Variants in OAS3 observed in about 807,000 individuals in gnomAD.
OAS3 encodes the protein 2'-5'-oligoadenylate synthase 3.
Under a neutral mutation model 113.0 loss-of-function variants are expected in OAS3, and 107 were observed. The observed-to-expected ratio is 0.95, with a 90% confidence interval of 0.81 to 1.11. The LOEUF is 1.11. Ranked by LOEUF, OAS3 falls within the 50% of genes most tolerant of loss-of-function variation. The pLI is 0.00. For missense variants in OAS3, 1,258 were observed against 1,389.1 expected (o/e 0.91, Z 1.50); for synonymous variants, 552 against 573.6 (o/e 0.96, Z 0.54).
Position 112,948,851 on chromosome 12 carries a change from G to T in OAS3, c.1030-10G>T. 1 of 1,544,950 alleles carries T rather than the reference G, an allele frequency of 6.5e-7. No individual in the cohort carries two copies. Among genetic ancestry groups the T allele is most frequent in the South Asian group, 1.2e-5 (1 of 83,888 alleles). ...GCCTGGCTGAGGCAGCTCCTTCAAT[G>T]ACCTTCCAGGGCCTTCCACGTGCTG... On this transcript the variant is annotated splice_polypyrimidine_tract_variant and intron_variant, in intron 5 of 15. Coordinates refer to ENST00000228928, the MANE Select transcript of OAS3 (RefSeq NM_006187.4).
intron 8 of OAS3, among the ~76,000 whole-genome samples, chr12:112,961,801 C>CTT (rs760022099): frequency 4.1e-5 from 6 of 146,374 alleles, no homozygotes; most frequent in Admixed American, 6.9e-5. Context: ...CTTTCATAGC[C>CTT]TTTTTTTTTT....
intron 1 of OAS3, among the ~76,000 whole-genome samples, chr12:112,939,867 A>G (rs151324488): frequency 6.6e-6 from 1 of 152,272 alleles, no homozygotes; most frequent in African/African-American, 2.4e-5. Flanking sequence ...CAGAGTAGAA[A>G]TGGCCTCAGA....
Position 112,968,110 on chromosome 12 carries a change from A to C in OAS3, c.3040A>C (p.Ile1014Leu), listed in dbSNP as rs375666217. 9.3e-6 allele frequency: 15 copies of C among 1,613,994 alleles called. No homozygotes were observed. The highest frequency in any genetic ancestry group is 1.3e-5 in the African/African-American group (1 of 75,038). ...CCGCCAGCTCTGTATCTACTGGACC[A>C]TCAACTACAACGCCAAGGACAAGAC... ...QYRQLCIYWT[I>L]NYNAKDKTVG... The change falls in exon 14 of 16, where the codon ATC becomes CTC. Residue 1014 changes from isoleucine to leucine, a missense_variant. Coordinates refer to ENST00000228928, the MANE Select transcript of OAS3 (RefSeq NM_006187.4).
chr12:112,944,618 C>A lies in OAS3; in HGVS notation c.603C>A (p.Asn201Lys), dbSNP rs772595748. The stretch of plus-strand genomic sequence containing the variant: ...ACATTCGCCCAGCCAAGTTGAAGAA[C>A]CTAATCTTGCTGGTGAAGCACTGGT... Reference protein sequence around the residue: ...FVNIRPAKLKNLILLVKHWYH... With the variant: ...FVNIRPAKLKKLILLVKHWYH... The change falls in exon 3 of 16, where the codon AAC (asparagine) becomes AAA (lysine). Residue 201 changes from asparagine to lysine, a missense_variant. Transcript: ENST00000228928. 63 of 1,613,930 alleles carry A rather than the reference C, an allele frequency of 3.9e-5. No homozygotes were observed. Among genetic ancestry groups the A allele is most frequent in the Non-Finnish European group, 5.0e-5 (59 of 1,179,908 alleles).
At chr12:112,964,141 G>T (rs2043912900) in intron 10 of OAS3, 94 bp from the exon 11 acceptor site, 1 of 1,261,682 alleles carries the variant, frequency 7.9e-7, no homozygotes, top group Non-Finnish European at 1.1e-6. Context: ...GGGAGACAGT[G>T]GGAGTCTTGT....
rs2043900512 is a variant in OAS3, at chr12:112,962,869, G to A, written c.2051G>A (p.Arg684Lys). The stretch of plus-strand genomic sequence containing the variant: ...TATAGCACTGAGGACCCAGCCATGA[G>A]AATGCACCTTCTTGGCCAGCTTCGA... Reference protein sequence around the residue: ...VNYSTEDPAMRMHLLGQLRKP... With the variant: ...VNYSTEDPAMKMHLLGQLRKP... Residue 684 changes from arginine (R) to lysine (K), a missense_variant, in exon 9 of 16, where the codon AGA becomes AAA. Physicochemically the swap from Arg to Lys is conservative, Grantham distance 26. Transcript: ENST00000228928. 1.2e-6 allele frequency: 2 copies of A among 1,613,964 alleles called. No individual in the cohort carries two copies. The highest frequency in any genetic ancestry group is 1.7e-6 in the Non-Finnish European group (2 of 1,179,878).
In OAS3 at chr12:112,964,133, G is replaced by GA. The variant is rs2136359345; in HGVS notation, c.2230-101dup. ...AGCTGAGAAGGAAAGAGGGACATGG[G>GA]AGACAGTGGGAGTCTTGTCCTCAGA... On this transcript the variant is annotated intron_variant, in intron 10 of 15. Transcript: ENST00000228928. 6 of 1,187,776 alleles carry GA rather than the reference G, an allele frequency of 5.1e-6. No individual in the cohort carries two copies. In the South Asian group the frequency reaches 7.8e-5, roughly 15 times the overall value. 73.6% of individuals were successfully genotyped at this position (1,187,776 alleles called of 1,614,324 possible).
chr12:112,938,934 G>A (rs2043654852), intron 1 of OAS3, among the ~76,000 whole-genome samples: 1 of 152,204 alleles, frequency 6.6e-6, no homozygotes, highest in African/African-American at 2.4e-5. Flanking sequence ...GGCACAGAGA[G>A]GTACAGTGAC....
At chr12:112,964,100 T>C (rs1227345143) in intron 10 of OAS3, 135 bp from the exon 11 acceptor site, 2 of 903,966 alleles carry the variant, frequency 2.2e-6, no homozygotes, top group Non-Finnish European at 3.3e-6. Flanking sequence ...CCTCAGAACC[T>C]ACCCACCAGC....
At chr12:112,969,374 C>T (rs921348578) in intron 14 of OAS3, 15 of 570,280 alleles carry the variant, frequency 2.6e-5, no homozygotes, top group South Asian at 8.0e-5. Context: ...AAGGGGTAAG[C>T]GGTAGCACCG....
intron 7 of OAS3, 93 bp from the exon 8 acceptor site, chr12:112,960,978 A>C: frequency 2.6e-6 from 3 of 1,162,444 alleles, no homozygotes; most frequent in Non-Finnish European, 3.8e-6. Flanking sequence ...GATTAATGTT[A>C]GAATATTCAT....
rs1281266328 is a variant in OAS3, at chr12:112,973,216, A to G, written c.*3243A>G. ...CACCAATCTGCTGTGTATTTCATCTATTGCCAACATTTCATATAAATGGCA... is the reference window on the plus strand; with the variant it reads ...CACCAATCTGCTGTGTATTTCATCTGTTGCCAACATTTCATATAAATGGCA... On this transcript the variant is annotated 3_prime_UTR_variant, in exon 16 of 16. Coordinates refer to ENST00000228928, the MANE Select transcript of OAS3 (RefSeq NM_006187.4). 6.6e-6 allele frequency: 1 copy of G among 152,162 alleles called. No individual in the cohort carries two copies. Among genetic ancestry groups the G allele is most frequent in the Non-Finnish European group, 1.5e-5 (1 of 68,036 alleles). 9.4% of individuals were successfully genotyped at this position (152,162 alleles called of 1,614,324 possible). A position where few individuals can be genotyped will look rare whatever the true frequency, so the allele number is the denominator to read the frequency against.
In OAS3 at chr12:112,968,170, C is replaced by T. The variant is rs1255070918; in HGVS notation, c.3100C>T (p.Pro1034Ser). ...GDFLKQQLQK[P>S]RPIILDPADP... is the part of the protein sequence containing the mutation. ...CTTCCTGAAACAGCAGCTTCAGAAG[C>T]CCAGGTTCAGGTCTACCCCCAATGT... Residue 1034 changes from proline (P) to serine (S), a missense_variant, in exon 14 of 16, where the codon CCC becomes TCC. Physicochemically the swap from Pro to Ser is moderately conservative, Grantham distance 74. Coordinates refer to ENST00000228928, the MANE Select transcript of OAS3 (RefSeq NM_006187.4). 1 of 1,612,144 alleles carries T rather than the reference C, an allele frequency of 6.2e-7. No homozygotes were observed. Among genetic ancestry groups the T allele is most frequent in the African/African-American group, 1.3e-5 (1 of 74,898 alleles).
intron 7 of OAS3, among the ~76,000 whole-genome samples, chr12:112,956,919 T>A (rs953452968): frequency 6.6e-6 from 1 of 152,266 alleles, no homozygotes; most frequent in Non-Finnish European, 1.5e-5. Flanking sequence ...ATTGATCTGT[T>A]TAATGTTGAC....
chr12:112,944,887 AAT>A (rs2136345272), intron 3 of OAS3: 1 of 546,624 alleles, frequency 1.8e-6, no homozygotes, highest in East Asian at 3.3e-5. Context: ...GCATTCTTCC[AAT>A]AGTCTTCCAG....
intron 14 of OAS3, 117 bp downstream of exon 14, chr12:112,968,291 A>G (rs1184602265): frequency 7.4e-7 from 1 of 1,344,468 alleles, no homozygotes; most frequent in Non-Finnish European, 9.9e-7. Flanking sequence ...ATTCCTTCCT[A>G]GAAGTTATAT....
intron 15 of OAS3, 96 bp downstream of exon 15, chr12:112,969,851 C>A: frequency 6.3e-7 from 1 of 1,586,016 alleles, no homozygotes; most frequent in East Asian, 2.3e-5. Flanking sequence ...GGGCAGGGCC[C>A]AGTGATGGCC....
Position 112,963,350 on chromosome 12 carries a change from G to A in OAS3, c.2122G>A (p.Val708Met), listed in dbSNP as rs757877797. The A allele has an allele frequency of 1.8e-5, 28 of 1,565,662 alleles. No individual in the cohort carries two copies. Among genetic ancestry groups the A allele is most frequent in the East Asian group, 2.4e-5 (1 of 41,730 alleles). The change falls in exon 10 of 16, where the codon GTG becomes ATG. Residue 708 changes from valine (V) to methionine (M), a missense_variant. Coordinates refer to ENST00000228928, the MANE Select transcript of OAS3 (RefSeq NM_006187.4). This position sits in a 1 kb window ranked among gnomAD's most constrained non-coding sequence, Gnocchi z 4.6. The part of the protein sequence containing the change: ...VLDPADPTWN[V>M]GHGSWELLAQ... The stretch of plus-strand genomic sequence containing the variant: ...GGACCCCGCTGATCCCACCTGGAAC[G>A]TGGGCCACGGTAGCTGGGAGCTGTT...
At position 112,950,950 on chromosome 12, in the gene OAS3, C is replaced by T. The variant is rs769768635; in HGVS notation, c.1632C>T (p.Ser544=). Residue 544 remains serine (S), a synonymous_variant, in exon 7 of 16, where the codon AGC becomes AGT. Coordinates refer to ENST00000228928, the MANE Select transcript of OAS3 (RefSeq NM_006187.4). ...CCCTGAAGAGCTGGACGGATGTTAG[C>T]CTGCTGCCTGCCTTCGATGCTGTGG... is the stretch of plus-strand genomic sequence containing the variant. ...STALKSWTDV[S]LLPAFDAVGQ... The T allele has an allele frequency of 1.2e-6, 2 of 1,613,526 alleles. No individual in the cohort carries two copies. Among genetic ancestry groups the T allele is most frequent in the Non-Finnish European group, 1.7e-6 (2 of 1,179,564 alleles).
Sources: gnomAD v4.1 joint callset for allele counts (sites outside exome capture counted in the v4.1 genomes callset) on GRCh38, gnomAD v4.1.1 for gene constraint, Gnocchi (gnomAD v3.1) non-coding constraint, MANE v1.5 for transcripts, NCBI Gene and HGNC (gene_info 2026-07-23, HGNC 2026-07-21) for gene names.